Variants in GNAQ observed in about 807,000 individuals in gnomAD.
The protein encoded by GNAQ is guanine nucleotide-binding protein G(q) subunit alpha.
A neutral mutation model predicts 43.9 loss-of-function variants in GNAQ; 8 were observed. The observed-to-expected ratio is 0.18, with a 90% CI of 0.11 to 0.33. GNAQ has a LOEUF of 0.33. GNAQ is among the 10% of genes least tolerant of loss of function. The pLI is 1.00. For missense variants in GNAQ, 158 were observed against 450.8 expected (o/e 0.35, Z 5.88); for synonymous variants, 155 against 170.7 (o/e 0.91, Z 0.71).
At chr9:77,978,669 A>T (rs1823332013) in intron 1 of GNAQ, among the ~76,000 whole-genome samples, 1 of 152,172 alleles carries the variant, frequency 6.6e-6, no homozygotes, top group East Asian at 1.9e-4. Flanking sequence ...AGGAAATAGA[A>T]CCCTTTATCA....
chr9:77,870,139 CTG>C (rs1459573516), intron 2 of GNAQ, among the ~76,000 whole-genome samples: 1 of 152,058 alleles, frequency 6.6e-6, no homozygotes, highest in Non-Finnish European at 1.5e-5. Flanking sequence ...GTTTTCAACA[CTG>C]AGACAAAAAG....
chr9:77,930,130 G>A (rs1002617019), intron 1 of GNAQ, among the ~76,000 whole-genome samples: 34 of 152,182 alleles, frequency 2.2e-4, no homozygotes, highest in African/African-American at 8.2e-4. Flanking sequence ...GACCAAGGAT[G>A]TAATCTTTGT....
intron 1 of GNAQ, among the ~76,000 whole-genome samples, chr9:77,927,472 C>G (rs189415348): frequency 6.6e-6 from 1 of 152,180 alleles, no homozygotes; most frequent in East Asian, 1.9e-4. Flanking sequence ...TGCCACTGCT[C>G]CGAAGGATGG....
intron 2 of GNAQ, among the ~76,000 whole-genome samples, chr9:77,863,446 T>C (rs924560906): frequency 4.6e-5 from 7 of 152,166 alleles, no homozygotes; most frequent in African/African-American, 1.7e-4. Context: ...TCCATATAAT[T>C]ATCTGCATTT....
intron 1 of GNAQ, among the ~76,000 whole-genome samples, chr9:77,933,938 C>G (rs537805760): frequency 6.6e-6 from 1 of 152,286 alleles, no homozygotes; most frequent in South Asian, 2.1e-4. Flanking sequence ...TTGAAAAGCA[C>G]TCTGAATTTC....
intron 1 of GNAQ, among the ~76,000 whole-genome samples, chr9:77,997,436 CT>C (rs1190979810): frequency 2.6e-5 from 4 of 152,242 alleles, no homozygotes; most frequent in African/African-American, 9.6e-5. Context: ...ATCGAATTCT[CT>C]GTCTCCAATT....
intron 5 of GNAQ, among the ~76,000 whole-genome samples, chr9:77,736,359 GC>G (rs1825576665): frequency 6.6e-6 from 1 of 152,256 alleles, no homozygotes; most frequent in Non-Finnish European, 1.5e-5. Context: ...CCTAGCCATT[GC>G]ACTTTTGCTA....
chr9:78,004,675 C>T (rs1823684160), intron 1 of GNAQ, among the ~76,000 whole-genome samples: 1 of 152,072 alleles, frequency 6.6e-6, no homozygotes, highest in Non-Finnish European at 1.5e-5. Flanking sequence ...CAAAAAAACT[C>T]AGACATAAAC....
rs567880045 is a variant in GNAQ at position 78,031,242 on chromosome 9, A to T, written c.-7T>A. 38 of 1,500,534 alleles carry T rather than the reference A, an allele frequency of 2.5e-5. No individual in the cohort carries two copies. Among genetic ancestry groups the T allele is most frequent in the Admixed American group, 4.0e-5 (2 of 50,196 alleles). 93.0% of individuals were successfully genotyped at this position (1,500,534 alleles called of 1,614,324 possible). On this transcript the variant is annotated 5_prime_UTR_variant, in exon 1 of 7. Coordinates refer to ENST00000286548, the MANE Select transcript of GNAQ (RefSeq NM_002072.5). ...TGATGGACTCCAGAGTCATTCTTCC[A>T]AAGTGCCTCCGCTGCAGCCCCGCCG... is the stretch of plus-strand genomic sequence containing the variant.
At chr9:77,992,351 C>T (rs1481587949) in intron 1 of GNAQ, among the ~76,000 whole-genome samples, 3 of 152,136 alleles carry the variant, frequency 2.0e-5, no homozygotes, top group East Asian at 1.9e-4. Flanking sequence ...ACATCACTTG[C>T]AAGTTAACCG....
chr9:77,981,734 A>G (rs988753554), intron 1 of GNAQ, among the ~76,000 whole-genome samples: 4 of 152,180 alleles, frequency 2.6e-5, no homozygotes, highest in African/African-American at 9.7e-5. Context: ...AAAAGCTATT[A>G]GACATGTCTC....
intron 5 of GNAQ, among the ~76,000 whole-genome samples, chr9:77,734,596 T>G (rs978597083): frequency 1.3e-5 from 2 of 152,144 alleles, no homozygotes; most frequent in Non-Finnish European, 2.9e-5. Context: ...GTGATAAAAC[T>G]TTCCAGGGTG....
intron 5 of GNAQ, among the ~76,000 whole-genome samples, chr9:77,730,031 C>G (rs920486103): frequency 1.3e-5 from 2 of 152,212 alleles, no homozygotes; most frequent in African/African-American, 2.4e-5. Flanking sequence ...GAGCTTTTAG[C>G]AGCCATCTTG....
intron 1 of GNAQ, among the ~76,000 whole-genome samples, chr9:77,949,340 C>A (rs1822945977): frequency 1.3e-5 from 2 of 152,134 alleles, no homozygotes; most frequent in South Asian, 4.1e-4. Context: ...GGCTCAGAGG[C>A]CACTGGGGAG....
chr9:77,795,885 T>G (rs1191484044), intron 4 of GNAQ, among the ~76,000 whole-genome samples: 1 of 152,168 alleles, frequency 6.6e-6, no homozygotes, highest in Non-Finnish European at 1.5e-5. Context: ...AAAATGTACT[T>G]CAAAAGCCAG....
intron 1 of GNAQ, among the ~76,000 whole-genome samples, chr9:78,016,123 A>C (rs1317709442): frequency 1.3e-5 from 2 of 152,214 alleles, no homozygotes; most frequent in African/African-American, 4.8e-5. Flanking sequence ...GTAAGACCTA[A>C]AACTACAAAA....
At chr9:77,942,725 A>T (rs1829332635) in intron 1 of GNAQ, among the ~76,000 whole-genome samples, 3 of 152,240 alleles carry the variant, frequency 2.0e-5, no homozygotes, top group African/African-American at 7.2e-5. Context: ...TAATTATCTC[A>T]ACTGCACCCC....
At chr9:77,854,789 G>A (rs1827725703) in intron 2 of GNAQ, among the ~76,000 whole-genome samples, 1 of 152,154 alleles carries the variant, frequency 6.6e-6, no homozygotes, top group African/African-American at 2.4e-5. Context: ...TTTATAGGTT[G>A]GCATGCTATG....
At chr9:78,022,054 G>A (rs906123001) in intron 1 of GNAQ, among the ~76,000 whole-genome samples, 2 of 152,190 alleles carry the variant, frequency 1.3e-5, no homozygotes, top group Non-Finnish European at 2.9e-5. Context: ...GGGGAGCTCT[G>A]GACAGACTTG....
Sources: gnomAD v4.1 joint callset for allele counts (sites outside exome capture counted in the v4.1 genomes callset) on GRCh38, gnomAD v4.1.1 for gene constraint, MANE v1.5 for transcripts, NCBI Gene and HGNC (gene_info 2026-07-23, HGNC 2026-07-21) for gene names.